TRPV1: variants seen among roughly 807,000 people sequenced by gnomAD.
TRPV1 encodes transient receptor potential cation channel subfamily V member 1.
TRPV1 carries 82 observed loss-of-function variants against 82.3 expected under a neutral mutation model. The observed-to-expected ratio is 1.00, with a 90% CI of 0.83 to 1.20. The LOEUF (loss-of-function observed/expected upper bound fraction) is 1.20. Ranked by LOEUF, TRPV1 falls within the 50% of genes most tolerant of loss-of-function variation. TRPV1 has a pLI of 0.00. For missense variants in TRPV1, 1,067 were observed against 1,096.8 expected (o/e 0.97, Z 0.38); for synonymous variants, 515 against 467.7 (o/e 1.10, Z -1.30).
rs201112224 is a variant in TRPV1 at position 3,592,075 on chromosome 17, G to A, written c.276C>T (p.Thr92=). 62 of 1,611,222 alleles carry A rather than the reference G, an allele frequency of 3.8e-5. No individual in the cohort carries two copies. The African/African-American group carries it at 4.5e-4, about 12-fold the overall frequency. The change falls in exon 3 of 17, where the codon ACC becomes ACT. Residue 92 remains threonine (T), a synonymous_variant. Transcript: ENST00000572705. Reference sequence around the variant, plus strand: ...TCCAGACGCGGACTTACCTGGCACCGGTGGGGCCGTCTCCTGGCCTCTGGA... The same window carrying A: ...TCCAGACGCGGACTTACCTGGCACCAGTGGGGCCGTCTCCTGGCCTCTGGA... The part of the protein sequence containing the change: ...ITIQRPGDGP[T]GARLLSQDSV...
At chr17:3,584,417 T>TAAAA (rs1491126031) in intron 9 of TRPV1, among the ~76,000 whole-genome samples, 1 of 40,908 alleles carries the variant, frequency 2.4e-5, no homozygotes. Flanking sequence ...AAAAAAAAAA[T>TAAAA]AAAATAAAAA....
At chr17:3,569,919 T>TCAGGGAGGAGGGGCCAAGG (rs2074825602) in intron 16 of TRPV1, among the ~76,000 whole-genome samples, 6 of 53,054 alleles carry the variant, frequency 1.1e-4, no homozygotes, top group South Asian at 7.2e-4. Context: ...AGGGGCCAAG[T>TCAGGGAGGAGGGGCCAAGG]GGTCAGGGAG....
chr17:3,575,344 G>A (rs534030954), intron 13 of TRPV1, among the ~76,000 whole-genome samples: 8 of 152,010 alleles, frequency 5.3e-5, no homozygotes, highest in Non-Finnish European at 1.0e-4. Context: ...TTAGCCGGGC[G>A]TGATGATGGG....
intron 16 of TRPV1, among the ~76,000 whole-genome samples, chr17:3,568,078 T>C (rs2074794571): frequency 6.6e-6 from 1 of 152,000 alleles, no homozygotes; most frequent in Middle Eastern, 3.2e-3. Context: ...ATCCCAGCAC[T>C]GTGGGAGGCC....
In TRPV1 at chr17:3,589,148, AGCTCCTGCCTGCCAT is replaced by A. The variant is rs375811127; in HGVS notation, c.1044+644_1044+658del. Among the ~76,000 whole-genome samples, 367 of 151,474 alleles carry A rather than the reference AGCTCCTGCCTGCCAT, an allele frequency of 2.4e-3. 1 individual carries two copies. The highest frequency in any genetic ancestry group is 7.7e-3 in the African/African-American group (319 of 41,266). On this transcript the variant is annotated intron_variant, in intron 7 of 16. Coordinates refer to ENST00000572705, the MANE Select transcript of TRPV1 (RefSeq NM_080704.4). ...TGGAGCCATCAGCCTTGTTACCTAA[AGCTCCTGCCTGCCAT>A]GCTCCTGCCTGCCATGGAAAAACAC...
chr17:3,585,787 TA>T lies in TRPV1; in HGVS notation c.1363del (p.Tyr455ThrfsTer29). The T allele has an allele frequency of 6.2e-7, 1 of 1,613,278 alleles. No individual in the cohort carries two copies. The highest frequency in any genetic ancestry group is 8.5e-7 in the Non-Finnish European group (1 of 1,179,662). On this transcript the variant is annotated frameshift_variant, in exon 9 of 17. Coordinates refer to ENST00000572705, the MANE Select transcript of TRPV1 (RefSeq NM_080704.4). LOFTEE classifies it high-confidence loss of function. ...CCGCACCAAGCCATCCACGGGCCTG[TA>T]GTAGGCAGCCATGGTGAAGATGATC... ...YMIIFTMAAY[Y>X]RPVDGLPPFK...
Position 3,592,237 on chromosome 17 carries a change from G to A in TRPV1, c.114C>T (p.Pro38=). Residue 38 remains proline (P), a synonymous_variant, in exon 3 of 17, where the codon CCC becomes CCT. Transcript: ENST00000572705. The stretch of plus-strand genomic sequence containing the variant: ...TGCGGCTCTTGGCCGTGGAGAGCTG[G>A]GGCTTGGCTGGAGGTGGCCTGGAGT... The part of the protein sequence containing the change: ...DPNSRPPPAK[P]QLSTAKSRTR... 6.2e-7 allele frequency: 1 copy of A among 1,611,010 alleles called. No individual in the cohort carries two copies. The highest frequency in any genetic ancestry group is 8.5e-7 in the Non-Finnish European group (1 of 1,178,634).
At position 3,590,251 on chromosome 17, in the gene TRPV1, C is replaced by T; in HGVS notation, c.745+1G>A. 6.2e-7 allele frequency: 1 copy of T among 1,613,790 alleles called. No individual in the cohort carries two copies. Among genetic ancestry groups the T allele is most frequent in the Non-Finnish European group, 8.5e-7 (1 of 1,179,794 alleles). ...CAGGGTCTGCCACACTGTCTCCCTA[C>T]CGAAGTAGAATCCAGGCCGCCCTTT... On this transcript the variant is annotated splice_donor_variant, in intron 6 of 16. Transcript: ENST00000572705. LOFTEE classifies it high-confidence loss of function.
At chr17:3,596,015 G>T (rs998851331) in intron 2 of TRPV1, among the ~76,000 whole-genome samples, 1 of 152,186 alleles carries the variant, frequency 6.6e-6, no homozygotes, top group Non-Finnish European at 1.5e-5. Flanking sequence ...ATTCTACAGT[G>T]ATCAGGGGAA....
At chr17:3,572,597 G>A (rs2074869438) in intron 14 of TRPV1, among the ~76,000 whole-genome samples, 1 of 152,208 alleles carries the variant, frequency 6.6e-6, no homozygotes, top group African/African-American at 2.4e-5. Flanking sequence ...GAGACTGCCT[G>A]GGCCAGGTCC....
rs1567668865 is a variant in TRPV1 at position 3,588,294 on chromosome 17, C to CA, written c.1117dup (p.Trp373LeufsTer37). The CA allele has an allele frequency of 6.3e-7, 1 of 1,575,408 alleles. No individual in the cohort carries two copies. The highest frequency in any genetic ancestry group is 8.6e-7 in the Non-Finnish European group (1 of 1,161,056). On this transcript the variant is annotated frameshift_variant, in exon 8 of 17. Coordinates refer to ENST00000572705, the MANE Select transcript of TRPV1 (RefSeq NM_080704.4). LOFTEE classifies it high-confidence loss of function. ...CGAGGAGTGCACGGGCCCGTAGGCC[C>CA]ACTCGGTGAACTTCCTGGACAGGTG...
At chr17:3,604,930 G>T (rs906025320) in intron 2 of TRPV1, among the ~76,000 whole-genome samples, 4 of 152,070 alleles carry the variant, frequency 2.6e-5, no homozygotes, top group African/African-American at 9.7e-5. Flanking sequence ...CCCTCAGGCG[G>T]GCATGCAAGA....
chr17:3,603,220 C>T (rs1317917703), intron 2 of TRPV1, among the ~76,000 whole-genome samples: 4 of 152,124 alleles, frequency 2.6e-5, no homozygotes, highest in Admixed American at 6.5e-5. Context: ...GTCTAAAAGA[C>T]CAGCTTCCGT....
chr17:3,580,531 C>A lies in TRPV1; in HGVS notation c.1477-4G>T. On this transcript the variant is annotated splice_region_variant and splice_polypyrimidine_tract_variant and intron_variant, in intron 10 of 16. Coordinates refer to ENST00000572705, the MANE Select transcript of TRPV1 (RefSeq NM_080704.4). ...GCCTCTGCAGGAAATACTGAATCTG[C>A]AGGTAAACAGAGAGAGTAAGATCCC... 1 of 1,614,016 alleles carries A rather than the reference C, an allele frequency of 6.2e-7. No homozygotes were observed. Among genetic ancestry groups the A allele is most frequent in the Non-Finnish European group, 8.5e-7 (1 of 1,179,882 alleles).
intron 8 of TRPV1, 68 bp downstream of exon 8, chr17:3,588,119 CA>C: frequency 6.6e-7 from 1 of 1,506,876 alleles, no homozygotes; most frequent in Non-Finnish European, 9.0e-7. Flanking sequence ...GGAGCTGGAC[CA>C]GGGGCTGGGA....
Position 3,577,276 on chromosome 17 carries a change from T to A in TRPV1, c.1714-84A>T, listed in dbSNP as rs948794639. The A allele has an allele frequency of 1.8e-5, 26 of 1,447,454 alleles. No homozygotes were observed. The African/African-American group carries it at 2.8e-4, about 16-fold the overall frequency. 89.7% of individuals were successfully genotyped at this position (1,447,454 alleles called of 1,614,324 possible). A position where few individuals can be genotyped will look rare whatever the true frequency, so the allele number is the denominator to read the frequency against. On this transcript the variant is annotated intron_variant, in intron 12 of 16. Coordinates refer to ENST00000572705, the MANE Select transcript of TRPV1 (RefSeq NM_080704.4). ...GGGCCGGGCCGCATCGGCCTGGGGA[T>A]GCGTCTTGAGAACGTGCAGGGCGGT...
At chr17:3,585,600 G>A (rs2075073876) in intron 9 of TRPV1, 168 bp downstream of exon 9, 2 of 785,916 alleles carry the variant, frequency 2.5e-6, no homozygotes, top group Admixed American at 2.8e-5. Flanking sequence ...CAGGGGAGAT[G>A]GGCGCAGGGA....
At chr17:3,588,525 C>A (rs372713798) in intron 7 of TRPV1, among the ~76,000 whole-genome samples, 158 bp from the exon 8 acceptor site, 1 of 152,136 alleles carries the variant, frequency 6.6e-6, no homozygotes, top group African/African-American at 2.4e-5. Context: ...ATCAACCAGC[C>A]GGCCGGGCAC....
In TRPV1 at chr17:3,591,005, T is replaced by A. The variant is rs749581206; in HGVS notation, c.563A>T (p.Lys188Met). The A allele has an allele frequency of 2.0e-5, 33 of 1,610,626 alleles. No homozygotes were observed. The East Asian group carries it at 7.1e-4, about 35-fold the overall frequency. ...LEIARQTDSL[K>M]ELVNASYTDS... is the part of the protein sequence containing the mutation. ...CGTGTAGCTGGCGTTGACAAGCTCC[T>A]TCAGGCTGTCCGTTTGCCGCGCGAT... Residue 188 changes from lysine (K) to methionine (M), a missense_variant, in exon 5 of 17, where the codon AAG becomes ATG. By Grantham distance (95) the Lys-to-Met change is moderately conservative. Coordinates refer to ENST00000572705, the MANE Select transcript of TRPV1 (RefSeq NM_080704.4).
Sources: allele counts gnomAD v4.1 joint callset (sites outside exome capture counted in the v4.1 genomes callset), GRCh38; gene constraint gnomAD v4.1.1; transcripts MANE v1.5; gene names NCBI Gene and HGNC (gene_info 2026-07-23, HGNC 2026-07-21).